PARP6: variants seen among roughly 807,000 people sequenced by gnomAD.
PARP6 encodes poly(ADP-ribose) polymerase family member 6.
A neutral mutation model predicts 92.0 loss-of-function variants in PARP6; 27 were observed. The observed-to-expected ratio is 0.29, with a 90% confidence interval of 0.22 to 0.40. The LOEUF (loss-of-function observed/expected upper bound fraction) is 0.40, where lower values mean the gene tolerates loss of function less well. Among genes scored for constraint, PARP6 ranks in the 10% least tolerant of loss-of-function variants. The pLI, the probability that PARP6 is intolerant of heterozygous loss-of-function variation, is 1.00. For missense variants in PARP6, 501 were observed against 784.5 expected (o/e 0.64, Z 4.32); for synonymous variants, 272 against 281.2 (o/e 0.97, Z 0.33).
Position 72,241,284 on chromosome 15 carries a change from T to G in PARP6, c.*171A>C. On this transcript the variant is annotated 3_prime_UTR_variant, in exon 24 of 24. Coordinates refer to ENST00000569795, the MANE Select transcript of PARP6 (RefSeq NM_001323532.2). The surrounding 1 kb of genome is among the most constrained non-coding windows in gnomAD (Gnocchi z 4.1). The stretch of plus-strand genomic sequence containing the variant: ...CAGTCTGGGCCATCCGAATGTGGAG[T>G]AGTTCTTGGGTCAAGCTCTACCATG... The G allele has an allele frequency of 1.4e-6, 1 of 697,354 alleles. No individual in the cohort carries two copies. Among genetic ancestry groups the G allele is most frequent in the Non-Finnish European group, 2.6e-6 (1 of 380,642 alleles). 43.2% of individuals were successfully genotyped at this position (697,354 alleles called of 1,614,324 possible).
chr15:72,256,505 A>G lies in PARP6; in HGVS notation c.1085T>C (p.Val362Ala). The G allele has an allele frequency of 6.3e-7, 1 of 1,599,262 alleles. No individual in the cohort carries two copies. The highest frequency in any genetic ancestry group is 8.5e-7 in the Non-Finnish European group (1 of 1,173,908). The change falls in exon 14 of 24, where the codon GTG (valine) becomes GCG (alanine). Residue 362 changes from valine (V) to alanine (A), a missense_variant. Physicochemically the swap from Val to Ala is moderately conservative, Grantham distance 64. Coordinates refer to ENST00000569795, the MANE Select transcript of PARP6 (RefSeq NM_001323532.2). The stretch of plus-strand genomic sequence containing the variant: ...CAGAGTCTTGGGATCAGTGGGGTCC[A>G]CCACAGAGGGATAAGGCTCAAAGAT... ...SIIFEPYPSVVDPTDPKTLAF... is the reference protein window; with the variant it reads ...SIIFEPYPSVADPTDPKTLAF...
intron 9 of PARP6, 86 bp downstream of exon 9, chr15:72,261,472 G>T: frequency 8.4e-7 from 1 of 1,191,136 alleles, no homozygotes; most frequent in Non-Finnish European, 1.2e-6. Context: ...GGAAGAGAGG[G>T]GATAGAAACA....
rs763715509 is a variant in PARP6, at chr15:72,266,807, A to G, written c.19T>C (p.Phe7Leu). 2.5e-6 allele frequency: 4 copies of G among 1,613,802 alleles called. No homozygotes were observed. Among genetic ancestry groups the G allele is most frequent in the Non-Finnish European group, 3.4e-6 (4 of 1,179,704 alleles). ...CCCTCCGAGTCGTCATCATTCCAGA[A>G]CTGGCCTTTGATGTCCTAGTGGTGA... The part of the protein sequence containing the change: MDIKGQ[F>L]WNDDDSEGDN... The change falls in exon 4 of 24, where the codon TTC (phenylalanine) becomes CTC (leucine). Residue 7 changes from phenylalanine (F) to leucine (L), a missense_variant. By Grantham distance (22) the Phe-to-Leu change is conservative. Transcript: ENST00000569795.
At chr15:72,260,795 A>G (rs1373727018) in intron 9 of PARP6, 107 bp from the exon 10 acceptor site, 1 of 787,928 alleles carries the variant, frequency 1.3e-6, no homozygotes, top group Non-Finnish European at 2.2e-6. Flanking sequence ...AACTAAAGAA[A>G]GACAAACTCA....
At chr15:72,249,084 A>G (rs927395582) in intron 20 of PARP6, 161 bp downstream of exon 20, 25 of 425,422 alleles carry the variant, frequency 5.9e-5, no homozygotes, top group African/African-American at 3.6e-4. Context: ...TAAATTTCTA[A>G]TAAGAAAATG....
At position 72,241,849 on chromosome 15, in the gene PARP6, A is replaced by G; in HGVS notation, c.1790+52T>C. 1.5e-6 allele frequency: 2 copies of G among 1,319,034 alleles called. No homozygotes were observed. The highest frequency in any genetic ancestry group is 2.3e-5 in the South Asian group (2 of 85,124). 81.7% of individuals were successfully genotyped at this position (1,319,034 alleles called of 1,614,324 possible). On this transcript the variant is annotated intron_variant, in intron 23 of 23. Transcript: ENST00000569795. The surrounding 1 kb of genome is among the most constrained non-coding windows in gnomAD (Gnocchi z 4.1). Reference sequence around the variant, plus strand: ...CTTTTCCCAGTAGCCACACACCATCACACCCCCAACCTCACTCCTCGAGTA... The same window carrying G: ...CTTTTCCCAGTAGCCACACACCATCGCACCCCCAACCTCACTCCTCGAGTA...
At chr15:72,248,006 AGTG>A (rs2140924769) in intron 20 of PARP6, among the ~76,000 whole-genome samples, 1 of 152,186 alleles carries the variant, frequency 6.6e-6, no homozygotes, top group African/African-American at 2.4e-5. Context: ...CCTGACCTCA[AGTG>A]ATCTGCCCAC....
At chr15:72,266,053 T>C (rs1689904768) in intron 4 of PARP6, 62 bp from the exon 5 acceptor site, 6 of 1,092,608 alleles carry the variant, frequency 5.5e-6, no homozygotes, top group Admixed American at 3.5e-5. Flanking sequence ...AAGAGAGAGA[T>C]AATAAAAAGA....
At chr15:72,271,617 G>A (rs2087445444) in intron 1 of PARP6, among the ~76,000 whole-genome samples, 1 of 152,226 alleles carries the variant, frequency 6.6e-6, no homozygotes, top group African/African-American at 2.4e-5. Flanking sequence ...TAGGAGTACA[G>A]AAGGACTGGG....
intron 20 of PARP6, among the ~76,000 whole-genome samples, chr15:72,248,276 T>C (rs1033603716): frequency 6.6e-6 from 1 of 152,176 alleles, no homozygotes; most frequent in Non-Finnish European, 1.5e-5. Flanking sequence ...TTATCTCCTT[T>C]TTTCTATTTT....
chr15:72,265,916 C>T lies in PARP6; in HGVS notation c.157G>A (p.Glu53Lys). The T allele has an allele frequency of 6.2e-7, 1 of 1,613,158 alleles. No individual in the cohort carries two copies. The highest frequency in any genetic ancestry group is 8.5e-7 in the Non-Finnish European group (1 of 1,179,154). Residue 53 changes from glutamate to lysine, a missense_variant, in exon 5 of 24, where the codon GAG becomes AAG. This residue lies in a region of PARP6 where 291 missense variants were observed against 352.0 expected (regional missense o/e 0.83). Coordinates refer to ENST00000569795, the MANE Select transcript of PARP6 (RefSeq NM_001323532.2). ...TCCCACCTGATGGATACAGAGTTCT[C>T]ACTGTAGATCTCCTTCACGGCTTCA... ...DIEAVKEIYS[E>K]NSVSIREYGT...
At chr15:72,246,907 A>G (rs2140914358) in intron 20 of PARP6, among the ~76,000 whole-genome samples, 1 of 151,898 alleles carries the variant, frequency 6.6e-6, no homozygotes, top group East Asian at 2.0e-4. Context: ...GGCATGTGCC[A>G]CCACGCCTGG....
chr15:72,250,758 G>T, intron 18 of PARP6, 87 bp downstream of exon 18: 1 of 736,264 alleles, frequency 1.4e-6, no homozygotes, highest in Non-Finnish European at 2.4e-6. Context: ...ATGGACACAT[G>T]TAACACAAAC....
intron 20 of PARP6, 99 bp downstream of exon 20, chr15:72,249,146 C>T (rs2084006543): frequency 1.6e-6 from 1 of 623,676 alleles, no homozygotes; most frequent in African/African-American, 1.8e-5. Flanking sequence ...TGACACAGAC[C>T]AAGTATCCAT....
intron 8 of PARP6, among the ~76,000 whole-genome samples, chr15:72,264,058 C>T (rs2086236370): frequency 6.6e-6 from 1 of 152,000 alleles, no homozygotes; most frequent in African/African-American, 2.4e-5. Flanking sequence ...AATCATCACC[C>T]TTTCAACAGA....
chr15:72,253,593 G>C (rs2084659447), intron 15 of PARP6, 89 bp from the exon 16 acceptor site: 5 of 1,076,334 alleles, frequency 4.6e-6, no homozygotes, highest in Non-Finnish European at 7.0e-6. Context: ...TTAGGGTCCA[G>C]GGCAAGGTAG....
intron 13 of PARP6, 37 bp downstream of exon 13, chr15:72,257,311 G>A (rs747114855): frequency 1.4e-6 from 2 of 1,460,844 alleles, no homozygotes; most frequent in South Asian, 2.3e-5. Flanking sequence ...TGTCTTTCTT[G>A]ATCCCAATTC....
At chr15:72,260,713 T>C (rs2141037900) in intron 9 of PARP6, 25 bp from the exon 10 acceptor site, 1 of 1,560,992 alleles carries the variant, frequency 6.4e-7, no homozygotes, top group Non-Finnish European at 8.8e-7. Flanking sequence ...CAAAGAGAAG[T>C]GATAAAACTG....
chr15:72,260,401 A>C (rs1444167661), intron 10 of PARP6, 77 bp downstream of exon 10: 52 of 1,214,864 alleles, frequency 4.3e-5, no homozygotes, highest in Non-Finnish European at 6.1e-5. Context: ...TCCCCACCCC[A>C]TTTTGAGAAA....
Sources: allele counts gnomAD v4.1 joint callset (sites outside exome capture counted in the v4.1 genomes callset), GRCh38; gene constraint gnomAD v4.1.1; regional missense constraint gnomAD v4.1.1; non-coding constraint Gnocchi (gnomAD v3.1); transcripts MANE v1.5; gene names NCBI Gene and HGNC (gene_info 2026-07-23, HGNC 2026-07-21).